The following PCDHA2 variants were observed in gnomAD, a reference collection of about 807,000 sequenced individuals.
The protein encoded by PCDHA2 is protocadherin alpha-2.
In PCDHA2, 58 loss-of-function variants were observed where a neutral mutation model predicts 66.0. The ratio of observed to expected loss-of-function variants is 0.88; its 90% CI spans 0.71 to 1.09. PCDHA2 has a LOEUF of 1.09. PCDHA2 is among the 50% of genes least tolerant of loss of function. The pLI, the probability that PCDHA2 is intolerant of heterozygous loss-of-function variation, is 0.00. For synonymous variants in PCDHA2, 634 were observed against 554.0 expected, an observed-to-expected ratio of 1.14 and a Z score of -2.03; for missense variants, 1,267 against 1,242.3, an observed-to-expected ratio of 1.02 and a Z score of -0.30.
chr5:140,918,456 T>A (rs782254836), intron 1 of PCDHA2, among the ~76,000 whole-genome samples: 9 of 152,316 alleles, frequency 5.9e-5, no homozygotes, highest in South Asian at 4.1e-4. Flanking sequence ...GTGGGCATCC[T>A]TGTCTTATTC....
chr5:140,883,352 G>T (rs1554177776), intron 1 of PCDHA2: 1 of 1,614,164 alleles, frequency 6.2e-7, no homozygotes, highest in South Asian at 1.1e-5. Flanking sequence ...CATCAGAGAA[G>T]ACACTCAGCC....
At chr5:140,988,959 C>G (rs1308701267) in intron 3 of PCDHA2, 3 of 152,056 alleles carry the variant, frequency 2.0e-5, no homozygotes, top group Non-Finnish European at 4.4e-5. Context: ...CCTTCAAGCC[C>G]CACGATGGAG....
chr5:140,944,999 G>A (rs2093721816), intron 1 of PCDHA2, among the ~76,000 whole-genome samples: 1 of 151,896 alleles, frequency 6.6e-6, no homozygotes, highest in Non-Finnish European at 1.5e-5. Context: ...TAACGGTTGT[G>A]GGTCATGAAT....
At position 140,971,724 on chromosome 5, in the gene PCDHA2, C is replaced by T. The variant is rs1489489083; in HGVS notation, c.2389-7225C>T. On this transcript the variant is annotated intron_variant, in intron 1 of 3. Coordinates refer to ENST00000526136, the MANE Select transcript of PCDHA2 (RefSeq NM_018905.3). ...CCCTGCTATATAGATATATGTATAT[C>T]ATACATATACACATACATATATCTC... 2.0e-5 allele frequency among the ~76,000 whole-genome samples: 3 copies of T among 151,776 alleles called. No homozygotes were observed. The East Asian group carries it at 5.8e-4, about 29-fold the overall frequency.
chr5:140,810,401 C>T (rs1241607814), intron 1 of PCDHA2: 1 of 152,178 alleles, frequency 6.6e-6, no homozygotes, highest in Non-Finnish European at 1.5e-5. Flanking sequence ...TCTTTTGTAG[C>T]TAACACCAAC....
At position 140,821,756 on chromosome 5, in the gene PCDHA2, A is replaced by T. The variant is rs2150110442; in HGVS notation, c.2388+24404A>T. The T allele has an allele frequency of 8.2e-6, 13 of 1,584,204 alleles. No individual in the cohort carries two copies. The East Asian group carries it at 2.2e-4, about 27-fold the overall frequency. ...TGTGTGGTGATGCAATAGAAAGCTC[A>T]TAATTGGAACGAGATTGAGATGGTA... On this transcript the variant is annotated intron_variant, in intron 1 of 3. Transcript: ENST00000526136.
intron 1 of PCDHA2, chr5:140,877,954 T>C: frequency 7.5e-7 from 1 of 1,334,236 alleles, no homozygotes; most frequent in Non-Finnish European, 9.8e-7. Context: ...ATCGAATGTC[T>C]CATCTTTCTT....
At chr5:140,817,794 G>T (rs1031395082) in intron 1 of PCDHA2, among the ~76,000 whole-genome samples, 2 of 152,282 alleles carry the variant, frequency 1.3e-5, no homozygotes, top group East Asian at 3.9e-4. Context: ...TGCTGGTAAA[G>T]AAACCTTTAC....
In PCDHA2 at chr5:140,797,537, A is replaced by G. The variant is rs924782991; in HGVS notation, c.2388+185A>G. On this transcript the variant is annotated intron_variant, in intron 1 of 3. Transcript: ENST00000526136. The stretch of plus-strand genomic sequence containing the variant: ...TGAACAATTTATTTAAACAATCTAC[A>G]TAACTGTTTTCTTATTTTTACATTT... 1.7e-5 allele frequency: 13 copies of G among 756,140 alleles called. No homozygotes were observed. The South Asian group carries it at 1.8e-4, about 10-fold the overall frequency. 46.8% of individuals were successfully genotyped at this position (756,140 alleles called of 1,614,324 possible). A position where few individuals can be genotyped will look rare whatever the true frequency, so the allele number is the denominator to read the frequency against.
At chr5:140,863,601 A>G (rs781889102) in intron 1 of PCDHA2, 1 of 355,024 alleles carries the variant, frequency 2.8e-6, no homozygotes, top group Non-Finnish European at 5.6e-6. Flanking sequence ...TTTCATTCCT[A>G]TTAATGTCCC....
chr5:140,817,590 T>G (rs1430318435), intron 1 of PCDHA2: 1 of 152,218 alleles, frequency 6.6e-6, no homozygotes, highest in African/African-American at 2.4e-5. Context: ...TTTTAATAAT[T>G]CCAGGCAACG....
chr5:140,941,438 C>T (rs1408570275), intron 1 of PCDHA2, among the ~76,000 whole-genome samples: 4 of 150,764 alleles, frequency 2.7e-5, no homozygotes, highest in African/African-American at 7.3e-5. Context: ...GCCTCAGCCT[C>T]GGGAGTAGCT....
At chr5:140,871,352 C>CT in intron 1 of PCDHA2, 1 of 1,614,210 alleles carries the variant, frequency 6.2e-7, no homozygotes, top group South Asian at 1.1e-5. Flanking sequence ...TGGTCATACT[C>CT]GCAGCAGAGG....
chr5:140,941,685 A>G (rs983394705), intron 1 of PCDHA2, among the ~76,000 whole-genome samples: 2 of 151,952 alleles, frequency 1.3e-5, no homozygotes, highest in Non-Finnish European at 2.9e-5. Flanking sequence ...TATTCTGTTT[A>G]CCTCTTTGGG....
chr5:140,875,531 T>G, intron 1 of PCDHA2: 1 of 1,614,100 alleles, frequency 6.2e-7, no homozygotes. Flanking sequence ...TCGCTTCTGC[T>G]CCTTGCAGCC....
chr5:140,919,867 G>A (rs2079334985), intron 1 of PCDHA2, among the ~76,000 whole-genome samples: 1 of 152,178 alleles, frequency 6.6e-6, no homozygotes, highest in Non-Finnish European at 1.5e-5. Context: ...TTGGAAATAA[G>A]TCTTTGAAGA....
chr5:140,809,263 G>T (rs138272102), intron 1 of PCDHA2: 8 of 1,613,992 alleles, frequency 5.0e-6, no homozygotes, highest in African/African-American at 4.0e-5. Context: ...CCGATGCTGC[G>T]CTGGTGGATG....
chr5:140,836,564 C>T (rs1774574091), intron 1 of PCDHA2: 5 of 1,613,738 alleles, frequency 3.1e-6, no homozygotes, highest in Non-Finnish European at 4.2e-6. Context: ...CAGCGCCGTC[C>T]TCTGAGGGCG....
intron 1 of PCDHA2, chr5:140,802,826 G>C (rs1554122392): frequency 3.7e-6 from 6 of 1,613,354 alleles, no homozygotes; most frequent in African/African-American, 1.3e-5. Context: ...CGGGCGTGCC[G>C]CCTCTGGGCA....
Sources: gnomAD v4.1 joint callset for allele counts (sites outside exome capture counted in the v4.1 genomes callset) on GRCh38, gnomAD v4.1.1 for gene constraint, MANE v1.5 for transcripts, NCBI Gene and HGNC (gene_info 2026-07-23, HGNC 2026-07-21) for gene names.